The following NES variants were observed in gnomAD, a reference collection of about 807,000 sequenced individuals.
The protein encoded by NES is nestin.
A neutral mutation model predicts 35.6 loss-of-function variants in NES; 27 were observed. The observed-to-expected ratio is 0.76, with a 90% CI of 0.56 to 1.04. The LOEUF (loss-of-function observed/expected upper bound fraction) is 1.04, where lower values mean the gene tolerates loss of function less well. NES is among the 50% of genes least tolerant of loss of function. The pLI, the probability that NES is intolerant of heterozygous loss-of-function variation, is 0.00. For synonymous variants in NES, 822 were observed against 824.2 expected, an observed-to-expected ratio of 1.00 and a Z score of 0.04; for missense variants, 1,867 against 1,983.6, an observed-to-expected ratio of 0.94 and a Z score of 1.12.
Position 156,670,134 on chromosome 1 carries a change from C to A in NES, c.4054G>T (p.Gly1352Trp). 6.2e-7 allele frequency: 1 copy of A among 1,614,056 alleles called. No homozygotes were observed. The highest frequency in any genetic ancestry group is 2.2e-5 in the East Asian group (1 of 44,880). ...CCACACTCCTCTTCTCCCTCCTCCC[C>A]CTCCTCCTTTTCTGAGGGTGGGGCC... The part of the protein sequence containing the change: ...LEAPPSEKEE[G>W]EEGEEECGRD... The change falls in exon 4 of 4, where the codon GGG becomes TGG. Residue 1352 changes from glycine to tryptophan, a missense_variant. Transcript: ENST00000368223.
In NES at chr1:156,675,469, C is replaced by A. The variant is rs1647248131; in HGVS notation, c.784-129G>T. The A allele has an allele frequency of 7.7e-6, 8 of 1,043,766 alleles. 1 individual carries two copies. In the South Asian group the frequency reaches 1.4e-4, roughly 18 times the overall value. 64.7% of individuals were successfully genotyped at this position (1,043,766 alleles called of 1,614,324 possible). A position where few individuals can be genotyped will look rare whatever the true frequency, so the allele number is the denominator to read the frequency against. On this transcript the variant is annotated intron_variant, in intron 1 of 3. Transcript: ENST00000368223. Reference sequence around the variant, plus strand: ...CTGGCTGACTTATCTGTGTAGCAGACCCCCGCCTCCCCTACCCTATTCCCT... The same window carrying A: ...CTGGCTGACTTATCTGTGTAGCAGAACCCCGCCTCCCCTACCCTATTCCCT...
chr1:156,675,154 T>C (rs879477091), intron 2 of NES, 62 bp downstream of exon 2: 13 of 1,573,692 alleles, frequency 8.3e-6, no homozygotes, highest in African/African-American at 1.3e-5. Context: ...TTCAGCCACG[T>C]AGTCTGCCCC....
chr1:156,670,314 C>A lies in NES; in HGVS notation c.3874G>T (p.Gly1292Trp), dbSNP rs773498246. ...GGAGTGGAGTCTGGAAGGGTCTCCC[C>A]GAGCTCATCCTCCTCGCTCTCTTCT... Reference protein sequence around the residue: ...SREESEEDELGETLPDSTPLG... With the variant: ...SREESEEDELWETLPDSTPLG... The change falls in exon 4 of 4, where the codon GGG becomes TGG. Residue 1292 changes from glycine to tryptophan, a missense_variant. Transcript: ENST00000368223. 1 of 1,612,004 alleles carries A rather than the reference C, an allele frequency of 6.2e-7. No individual in the cohort carries two copies. Among genetic ancestry groups the A allele is most frequent in the Non-Finnish European group, 8.5e-7 (1 of 1,178,842 alleles).
Position 156,673,094 on chromosome 1 carries a change from T to G in NES, c.1094A>C (p.Glu365Ala). 1 of 1,603,976 alleles carries G rather than the reference T, an allele frequency of 6.2e-7. No homozygotes were observed. Among genetic ancestry groups the G allele is most frequent in the Non-Finnish European group, 8.5e-7 (1 of 1,173,296 alleles). Residue 365 changes from glutamate to alanine, a missense_variant, in exon 4 of 4, where the codon GAG (glutamate) becomes GCG (alanine). Transcript: ENST00000368223. ...CTTAAGAAAGGCTGGCACAGGTGTC[T>G]CAAGGGTAGCAGGCAAGGGTGAGGG... ...SLPSPLPATL[E>A]TPVPAFLKNQ...
In NES at chr1:156,672,368, T is replaced by C. The variant is rs749391679; in HGVS notation, c.1820A>G (p.Glu607Gly). The change falls in exon 4 of 4, where the codon GAA becomes GGA. Residue 607 changes from glutamate (E) to glycine (G), a missense_variant. Glu to Gly is a moderately conservative substitution (Grantham distance 98). Coordinates refer to ENST00000368223, the MANE Select transcript of NES (RefSeq NM_006617.2). Reference protein sequence around the residue: ...LKDVEVVRPLEKEAVGQLKPT... With the variant: ...LKDVEVVRPLGKEAVGQLKPT... ...CTTAAGTTGGCCTACAGCCTCTTTT[T>C]CTAGAGGTCTCACTACCTCCACATC... 1 of 1,613,272 alleles carries C rather than the reference T, an allele frequency of 6.2e-7. No homozygotes were observed. The highest frequency in any genetic ancestry group is 8.5e-7 in the Non-Finnish European group (1 of 1,179,924).
rs1188457982 is a variant in NES, at chr1:156,672,178, C to G, written c.2010G>C (p.Leu670=). The part of the protein sequence containing the change: ...LQENLESLTA[L]EKENQEPLRS... ...TCAGTGGCTCTTGATTCTCCTTTTC[C>G]AGAGCTGTCAATGACTCTAAGTTCT... Residue 670 remains leucine, a synonymous_variant, in exon 4 of 4, where the codon CTG becomes CTC. Coordinates refer to ENST00000368223, the MANE Select transcript of NES (RefSeq NM_006617.2). 1.2e-6 allele frequency: 2 copies of G among 1,611,110 alleles called. No homozygotes were observed. Among genetic ancestry groups the G allele is most frequent in the Non-Finnish European group, 8.5e-7 (1 of 1,179,420 alleles).
chr1:156,671,517 A>G lies in NES; in HGVS notation c.2671T>C (p.Ser891Pro). 1 of 1,613,882 alleles carries G rather than the reference A, an allele frequency of 6.2e-7. No homozygotes were observed. The highest frequency in any genetic ancestry group is 8.5e-7 in the Non-Finnish European group (1 of 1,180,020). Residue 891 changes from serine (S) to proline (P), a missense_variant, in exon 4 of 4, where the codon TCA becomes CCA. Ser to Pro is a moderately conservative substitution (Grantham distance 74). Transcript: ENST00000368223. ...TTCCATGCTCCCAGAGATCTCAATG[A>G]TTCCTGATTCTCCTCTTCCAGGAGT... is the stretch of plus-strand genomic sequence containing the variant. ...FRLLEEENQE[S>P]LRSLGAWNLE...
Position 156,669,029 on chromosome 1 carries a change from G to C in NES, c.*293C>G. 3.5e-6 allele frequency: 1 copy of C among 284,886 alleles called. No individual in the cohort carries two copies. The highest frequency in any genetic ancestry group is 6.5e-6 in the Non-Finnish European group (1 of 152,712). 17.6% of individuals were successfully genotyped at this position (284,886 alleles called of 1,614,324 possible). A position where few individuals can be genotyped will look rare whatever the true frequency, so the allele number is the denominator to read the frequency against. On this transcript the variant is annotated 3_prime_UTR_variant, in exon 4 of 4. Transcript: ENST00000368223. ...ACAGGCCTTTTCCAGCTGACGGGAT[G>C]CGGAGGGAAGGGGACCTAGTACTAT...
Position 156,671,614 on chromosome 1 carries a change from C to A in NES, c.2574G>T (p.Gly858=). Residue 858 remains glycine, a synonymous_variant, in exon 4 of 4, where the codon GGG becomes GGT. Coordinates refer to ENST00000368223, the MANE Select transcript of NES (RefSeq NM_006617.2). ...PLWTPEEINQ[G]AMNPLEKEIQ... is the part of the protein sequence containing the mutation. ...TTTCCTTTTCTAGAGGATTCATTGC[C>A]CCCTGATTTATTTCTTCTGGAGTCC... 6.2e-7 allele frequency: 1 copy of A among 1,613,946 alleles called. No individual in the cohort carries two copies. Among genetic ancestry groups the A allele is most frequent in the Non-Finnish European group, 8.5e-7 (1 of 1,180,044 alleles).
Position 156,675,388 on chromosome 1 carries a change from T to C in NES, c.784-48A>G, listed in dbSNP as rs1203418312. On this transcript the variant is annotated intron_variant, in intron 1 of 3. Coordinates refer to ENST00000368223, the MANE Select transcript of NES (RefSeq NM_006617.2). ...TCAGTGGAGGGGCTGGGGTCCCTTC[T>C]GTGAACCAACCTGCCTCCTGCCCGC... The C allele has an allele frequency of 2.6e-6, 4 of 1,551,264 alleles. No homozygotes were observed. The South Asian group carries it at 4.8e-5, about 19-fold the overall frequency.
Position 156,669,772 on chromosome 1 carries a change from G to A in NES, c.4416C>T (p.Ser1472=), listed in dbSNP as rs776623782. 6.2e-7 allele frequency: 1 copy of A among 1,613,986 alleles called. No homozygotes were observed. The highest frequency in any genetic ancestry group is 8.5e-7 in the Non-Finnish European group (1 of 1,179,982). Residue 1472 remains serine (S), a synonymous_variant, in exon 4 of 4, where the codon AGC becomes AGT. Transcript: ENST00000368223. ...GGGCACCAGCCACTGCACCCCTCAA[G>A]CTGTCATCCCAGGGGACACTGACAC... ...SVSVSVPWDD[S]LRGAVAGAPK...
chr1:156,672,212 G>C lies in NES; in HGVS notation c.1976C>G (p.Ser659Cys), dbSNP rs555493675. The change falls in exon 4 of 4, where the codon TCT becomes TGT. Residue 659 changes from serine to cysteine, a missense_variant. Ser to Cys is a moderately radical substitution (Grantham distance 112). Coordinates refer to ENST00000368223, the MANE Select transcript of NES (RefSeq NM_006617.2). ...PGTENQELVS[S>C]LQENLESLTA... ...CAATGACTCTAAGTTCTCTTGCAGA[G>C]AACTTACTAATTCTTGATTTTCCGT... 6.2e-7 allele frequency: 1 copy of C among 1,604,326 alleles called. No individual in the cohort carries two copies. Among genetic ancestry groups the C allele is most frequent in the African/African-American group, 1.3e-5 (1 of 74,200 alleles).
rs375872570 is a variant in NES, at chr1:156,673,242, A to G, written c.983-37T>C. ...GAGGGGGAAGAAACAGCATCAGTAT[A>G]TCACTGGCAATGAGGGGAGCCACAG... On this transcript the variant is annotated intron_variant, in intron 3 of 3. Coordinates refer to ENST00000368223, the MANE Select transcript of NES (RefSeq NM_006617.2). 18 of 1,440,562 alleles carry G rather than the reference A, an allele frequency of 1.2e-5. No individual in the cohort carries two copies. The African/African-American group carries it at 2.4e-4, about 19-fold the overall frequency. 89.2% of individuals were successfully genotyped at this position (1,440,562 alleles called of 1,614,324 possible).
Position 156,676,667 on chromosome 1 carries a change from T to C in NES, c.598A>G (p.Met200Val). The C allele has an allele frequency of 2.0e-6, 3 of 1,518,028 alleles. No homozygotes were observed. The highest frequency in any genetic ancestry group is 2.5e-5 in the East Asian group (1 of 39,412). The allele number at this position is 1,518,028 out of a possible 1,614,324, so 94.0% of individuals were successfully genotyped here. A position where few individuals can be genotyped will look rare whatever the true frequency, so the allele number is the denominator to read the frequency against. The change falls in exon 1 of 4, where the codon ATG becomes GTG. Residue 200 changes from methionine (M) to valine (V), a missense_variant. By Grantham distance (21) the Met-to-Val change is conservative (BLOSUM62 1). Coordinates refer to ENST00000368223, the MANE Select transcript of NES (RefSeq NM_006617.2). The surrounding 1 kb of genome is among the most constrained non-coding windows in gnomAD (Gnocchi z 5.3). ...VRGYQERVAHMETSLGQARER... is the reference protein window; with the variant it reads ...VRGYQERVAHVETSLGQARER... Reference sequence around the variant, plus strand: ...CGGGCCTGGCCCAGCGACGTCTCCATGTGTGCCACGCGCTCCTGGTAGCCG... The same window carrying C: ...CGGGCCTGGCCCAGCGACGTCTCCACGTGTGCCACGCGCTCCTGGTAGCCG...
chr1:156,675,538 C>G (rs1422390576), intron 1 of NES, among the ~76,000 whole-genome samples, 198 bp from the exon 2 acceptor site: 2 of 152,116 alleles, frequency 1.3e-5, no homozygotes, highest in African/African-American at 2.4e-5. Flanking sequence ...AGCCCAGGGC[C>G]CCTGTCAGCA....
chr1:156,676,357 G>A lies in NES; in HGVS notation c.783+125C>T, dbSNP rs1013277357. 18 of 932,184 alleles carry A rather than the reference G, an allele frequency of 1.9e-5. No individual in the cohort carries two copies. In the African/African-American group the frequency reaches 2.7e-4, roughly 14 times the overall value. The allele number at this position is 932,184 out of a possible 1,614,324, so 57.7% of individuals were successfully genotyped here. On this transcript the variant is annotated intron_variant, in intron 1 of 3. Transcript: ENST00000368223. This position sits in a 1 kb window ranked among gnomAD's most constrained non-coding sequence, Gnocchi z 5.3. ...CTAGGACTTGTGGCACCAGGTTTCT[G>A]AGAACTGGCTCCTGATTCAGCAGCC...
chr1:156,673,576 GC>G (rs1679782014), intron 2 of NES, 49 bp from the exon 3 acceptor site: 1 of 1,458,196 alleles, frequency 6.9e-7, no homozygotes, highest in Non-Finnish European at 9.5e-7. Context: ...CCCCAGGCCT[GC>G]AGGCAGCAAG....
Position 156,671,362 on chromosome 1 carries a change from C to T in NES, c.2826G>A (p.Leu942=). The part of the protein sequence containing the change: ...LRSLEEEGQE[L]PQSADVQRWE... Reference sequence around the variant, plus strand: ...ACCTCTGCACATCTGCAGACTGCGGCAGCTCCTGTCCCTCCTCCTCCAGAG... The same window carrying T: ...ACCTCTGCACATCTGCAGACTGCGGTAGCTCCTGTCCCTCCTCCTCCAGAG... Residue 942 remains leucine, a synonymous_variant, in exon 4 of 4, where the codon CTG becomes CTA. Coordinates refer to ENST00000368223, the MANE Select transcript of NES (RefSeq NM_006617.2). The T allele has an allele frequency of 6.2e-7, 1 of 1,614,122 alleles. No individual in the cohort carries two copies. The highest frequency in any genetic ancestry group is 8.5e-7 in the Non-Finnish European group (1 of 1,180,040).
rs769251424 is a variant in NES, at chr1:156,671,195, C to T, written c.2993G>A (p.Gly998Glu). 1.5e-5 allele frequency: 25 copies of T among 1,614,014 alleles called. No homozygotes were observed. The highest frequency in any genetic ancestry group is 1.6e-4 in the Middle Eastern group (1 of 6,084). The change falls in exon 4 of 4, where the codon GGA becomes GAA. Residue 998 changes from glycine to glutamate, a missense_variant. Physicochemically the swap from Gly to Glu is moderately conservative, Grantham distance 98. Coordinates refer to ENST00000368223, the MANE Select transcript of NES (RefSeq NM_006617.2). Reference sequence around the variant, plus strand: ...GACCTCCTCTGTGGCATTCAGCTCTCCCTGCTCTACCACCTCCTCCTTCCC... The same window carrying T: ...GACCTCCTCTGTGGCATTCAGCTCTTCCTGCTCTACCACCTCCTCCTTCCC... ...FTGKEEVVEQ[G>E]ELNATEEVWI...
Sources: gnomAD v4.1 joint callset for allele counts (sites outside exome capture counted in the v4.1 genomes callset) on GRCh38, gnomAD v4.1.1 for gene constraint, Gnocchi (gnomAD v3.1) non-coding constraint, MANE v1.5 for transcripts, NCBI Gene and HGNC (gene_info 2026-07-23, HGNC 2026-07-21) for gene names.